Variants in EHBP1 observed in about 807,000 individuals in gnomAD.
The protein encoded by EHBP1 is EH domain-binding protein 1.
EHBP1 carries 55 observed loss-of-function variants against 144.0 expected under a neutral mutation model. That is an observed-to-expected ratio of 0.38 (90% CI 0.31 to 0.48). The LOEUF is 0.48. Ranked by LOEUF, EHBP1 falls within the 20% of genes least tolerant of loss-of-function variation. The pLI is 0.98. For missense variants in EHBP1, 1,200 were observed against 1,364.2 expected (o/e 0.88, Z 1.90); for synonymous variants, 469 against 472.7 (o/e 0.99, Z 0.10).
chr2:62,871,926 A>C (rs920107566), intron 9 of EHBP1: 1 of 152,092 alleles, frequency 6.6e-6, no homozygotes, highest in Non-Finnish European at 1.5e-5. Flanking sequence ...AGCCAATATT[A>C]TTTTTTCAGA....
chr2:62,744,478 A>C (rs370379855), intron 2 of EHBP1, among the ~76,000 whole-genome samples: 2 of 152,094 alleles, frequency 1.3e-5, no homozygotes, highest in African/African-American at 4.8e-5. Context: ...GTGCCCTTCT[A>C]TTGAGAAGAA....
At chr2:62,804,622 T>A (rs2044299599) in intron 5 of EHBP1, among the ~76,000 whole-genome samples, 1 of 152,224 alleles carries the variant, frequency 6.6e-6, no homozygotes, top group Non-Finnish European at 1.5e-5. Context: ...AAGACTCATT[T>A]TTGGCCAAGA....
At position 62,963,189 on chromosome 2, in the gene EHBP1, A is replaced by G. The variant is rs1383675365; in HGVS notation, c.2460+7529A>G. Among the ~76,000 whole-genome samples the G allele has an allele frequency of 2.0e-5, 3 of 152,358 alleles. No individual in the cohort carries two copies. The East Asian group carries it at 5.8e-4, about 29-fold the overall frequency. ...CTTTGGAAGTGAATCCAAATGGCTT[A>G]AGAGAACTAAGAGAATGCAAGTTGC... is the stretch of plus-strand genomic sequence containing the variant. On this transcript the variant is annotated intron_variant, in intron 14 of 22. Coordinates refer to ENST00000431489, the MANE Select transcript of EHBP1 (RefSeq NM_001142616.3).
At chr2:63,034,614 A>G (rs1398499152) in intron 19 of EHBP1, among the ~76,000 whole-genome samples, 1 of 151,998 alleles carries the variant, frequency 6.6e-6, no homozygotes, top group Non-Finnish European at 1.5e-5. Flanking sequence ...CCAGAATACA[A>G]CCTCTTTTTC....
chr2:63,022,684 A>G (rs897502922), intron 19 of EHBP1, among the ~76,000 whole-genome samples: 1 of 152,056 alleles, frequency 6.6e-6, no homozygotes, highest in Non-Finnish European at 1.5e-5. Context: ...TATGTTTTTA[A>G]CACTTTTCAT....
chr2:62,914,805 TA>T (rs986170398), intron 10 of EHBP1, among the ~76,000 whole-genome samples: 3 of 152,018 alleles, frequency 2.0e-5, no homozygotes, highest in African/African-American at 7.2e-5. Flanking sequence ...TAAATAAAAA[TA>T]AACTTAGGTT....
intron 2 of EHBP1, among the ~76,000 whole-genome samples, chr2:62,727,959 A>G (rs1054870201): frequency 2.0e-5 from 3 of 152,224 alleles, no homozygotes; most frequent in African/African-American, 7.2e-5. Context: ...GACAAAGTGC[A>G]CGATTGACAT....
chr2:62,880,878 C>T (rs2051347793), intron 10 of EHBP1, among the ~76,000 whole-genome samples: 1 of 152,034 alleles, frequency 6.6e-6, no homozygotes. Flanking sequence ...ACAGATCTAC[C>T]ATTGCATCCA....
At chr2:62,876,505 A>G (rs2050898965) in intron 10 of EHBP1, among the ~76,000 whole-genome samples, 1 of 152,196 alleles carries the variant, frequency 6.6e-6, no homozygotes, top group South Asian at 2.1e-4. Context: ...ACCAAAGATA[A>G]TTATTGGCCA....
chr2:62,972,264 T>C (rs758509005), intron 14 of EHBP1, among the ~76,000 whole-genome samples: 8 of 152,210 alleles, frequency 5.3e-5, no homozygotes, highest in African/African-American at 7.2e-5. Flanking sequence ...ATTATGAACG[T>C]ATTTGAGCAG....
chr2:62,976,007 A>G (rs1047657494), intron 14 of EHBP1, among the ~76,000 whole-genome samples: 30 of 152,200 alleles, frequency 2.0e-4, no homozygotes, highest in African/African-American at 6.8e-4. Flanking sequence ...CACTGGAAAT[A>G]CAAAATAATT....
chr2:62,919,101 A>G (rs909828802), intron 10 of EHBP1, among the ~76,000 whole-genome samples: 1 of 152,202 alleles, frequency 6.6e-6, no homozygotes, highest in African/African-American at 2.4e-5. Flanking sequence ...GTAGAAGCCA[A>G]GGTGGGAAAT....
At chr2:62,900,702 A>ATATATATATATATATATATATATATATAT (rs2053342279) in intron 10 of EHBP1, among the ~76,000 whole-genome samples, 1 of 149,878 alleles carries the variant, frequency 6.7e-6, no homozygotes, top group African/African-American at 2.5e-5. Flanking sequence ...ATATATATAT[A>ATATATATATATATATATATATATATATAT]TTTTCTTTCT....
chr2:62,915,102 G>A lies in EHBP1; in HGVS notation c.1186-27616G>A, dbSNP rs114305878. On this transcript the variant is annotated intron_variant, in intron 10 of 22. Transcript: ENST00000431489. ...AGATCGGCATTTCCCTTTCATTAAT[G>A]TTTTTATATGGTCTATGTATACGTA... is the stretch of plus-strand genomic sequence containing the variant. Among the ~76,000 whole-genome samples, 286 of 151,880 alleles carry A rather than the reference G, an allele frequency of 1.9e-3. 2 individuals are homozygous for A. The Middle Eastern group carries it at 0.027, about 14-fold the overall frequency.
At chr2:62,929,477 A>T (rs1347016187) in intron 10 of EHBP1, among the ~76,000 whole-genome samples, 3 of 152,190 alleles carry the variant, frequency 2.0e-5, no homozygotes, top group Non-Finnish European at 4.4e-5. Context: ...TAGTACATGT[A>T]ATCATCTCAG....
chr2:62,900,678 G>A (rs1321623595), intron 10 of EHBP1, among the ~76,000 whole-genome samples: 1 of 138,396 alleles, frequency 7.2e-6, no homozygotes, highest in Non-Finnish European at 1.5e-5. Context: ...GGGTGTGTGT[G>A]TATGTGTATA....
intron 5 of EHBP1, among the ~76,000 whole-genome samples, chr2:62,802,926 T>C (rs2044135075): frequency 1.3e-5 from 2 of 152,188 alleles, no homozygotes; most frequent in Admixed American, 1.3e-4. Flanking sequence ...GGTTTCGCCA[T>C]GTTGGCCAGG....
chr2:62,686,473 C>A (rs1395494013), intron 1 of EHBP1, among the ~76,000 whole-genome samples: 1 of 152,186 alleles, frequency 6.6e-6, no homozygotes, highest in African/African-American at 2.4e-5. Flanking sequence ...ATCGCTGAAG[C>A]TCTAAAGATA....
At position 63,045,624 on chromosome 2, in the gene EHBP1, C is replaced by G. The variant is rs563009265; in HGVS notation, c.*124C>G. 6.9e-6 allele frequency: 5 copies of G among 727,210 alleles called. No individual in the cohort carries two copies. The highest frequency in any genetic ancestry group is 1.1e-5 in the Non-Finnish European group (5 of 435,824). The allele number at this position is 727,210 out of a possible 1,614,324, so 45.0% of individuals were successfully genotyped here. On this transcript the variant is annotated 3_prime_UTR_variant, in exon 23 of 23. Coordinates refer to ENST00000431489, the MANE Select transcript of EHBP1 (RefSeq NM_001142616.3). This position sits in a 1 kb window ranked among gnomAD's most constrained non-coding sequence, Gnocchi z 5.7. ...GTTTGGCTGGATTGTACTACTTTAC[C>G]TCTACTTTACCACCACCACCCTTTT... is the stretch of plus-strand genomic sequence containing the variant.
Sources: gnomAD v4.1 joint callset for allele counts (sites outside exome capture counted in the v4.1 genomes callset) on GRCh38, gnomAD v4.1.1 for gene constraint, Gnocchi (gnomAD v3.1) non-coding constraint, MANE v1.5 for transcripts, NCBI Gene and HGNC (gene_info 2026-07-23, HGNC 2026-07-21) for gene names.